The following GARS1 variants were observed in gnomAD, a reference collection of about 807,000 sequenced individuals.
GARS1 encodes glycine--tRNA ligase.
Under a neutral mutation model 86.4 loss-of-function variants are expected in GARS1, and 46 were observed. The observed-to-expected ratio is 0.53, with a 90% CI of 0.42 to 0.68. The LOEUF is 0.68. Ranked by LOEUF, GARS1 falls within the 30% of genes least tolerant of loss-of-function variation. The pLI, the probability that GARS1 is intolerant of heterozygous loss-of-function variation, is 0.00. For missense variants in GARS1, 797 were observed against 915.6 expected, an observed-to-expected ratio of 0.87 and a Z score of 1.67; for synonymous variants, 342 against 329.8, an observed-to-expected ratio of 1.04 and a Z score of -0.40.
At chr7:30,623,117 A>C (rs1403903225) in intron 12 of GARS1, among the ~76,000 whole-genome samples, 2 of 151,422 alleles carry the variant, frequency 1.3e-5, no homozygotes, top group Admixed American at 6.6e-5. Context: ...AAAAAAACAA[A>C]AAAAAAAAAT....
intron 10 of GARS1, among the ~76,000 whole-genome samples, chr7:30,619,135 G>A (rs1782947654): frequency 2.0e-5 from 3 of 152,180 alleles, no homozygotes; most frequent in African/African-American, 4.8e-5. Flanking sequence ...CCAGTGAGTG[G>A]TGAGGCTGGG....
intron 8 of GARS1, among the ~76,000 whole-genome samples, chr7:30,613,941 G>T (rs1782832777): frequency 6.6e-6 from 1 of 152,142 alleles, no homozygotes; most frequent in Admixed American, 6.5e-5. Context: ...TTGTTCATAT[G>T]AAGATTTTTC....
intron 12 of GARS1, among the ~76,000 whole-genome samples, chr7:30,623,041 C>G (rs1255752839): frequency 6.8e-6 from 1 of 148,146 alleles, no homozygotes; most frequent in African/African-American, 2.5e-5. Flanking sequence ...GCGGAGCTTG[C>G]AGTGAGCCAC....
chr7:30,615,875 C>A, intron 8 of GARS1, 21 bp from the exon 9 acceptor site: 1 of 1,613,776 alleles, frequency 6.2e-7, no homozygotes, highest in African/African-American at 1.3e-5. Flanking sequence ...GCAGGTTTAT[C>A]GCTTACGTTT....
chr7:30,623,593 T>TG (rs1294589454), intron 12 of GARS1, among the ~76,000 whole-genome samples: 5 of 152,148 alleles, frequency 3.3e-5, no homozygotes, highest in African/African-American at 1.2e-4. Flanking sequence ...AGATGTCCAG[T>TG]GGGACAATAT....
rs1189675611 is a variant in GARS1 at position 30,595,022 on chromosome 7, G to C, written c.101G>C (p.Arg34Pro). The change falls in exon 1 of 17, where the codon CGG becomes CCG. Residue 34 changes from arginine (R) to proline (P), a missense_variant. Transcript: ENST00000389266. Reference protein sequence around the residue: ...LLARPSLLLRRSLSAASCPPI... With the variant: ...LLARPSLLLRPSLSAASCPPI... ...GCCCGACCCTCGCTCCTGCTCCGCCGGTCCCTCAGCGCGGCCTCCTGCCCC... is the reference window on the plus strand; with the variant it reads ...GCCCGACCCTCGCTCCTGCTCCGCCCGTCCCTCAGCGCGGCCTCCTGCCCC... The C allele has an allele frequency of 6.3e-7, 1 of 1,578,840 alleles. No individual in the cohort carries two copies. Among genetic ancestry groups the C allele is most frequent in the South Asian group, 1.1e-5 (1 of 87,644 alleles).
At chr7:30,599,459 A>G (rs1454807718) in intron 2 of GARS1, among the ~76,000 whole-genome samples, 9 of 151,976 alleles carry the variant, frequency 5.9e-5, no homozygotes, top group Non-Finnish European at 1.2e-4. Flanking sequence ...CTGGAGTGCA[A>G]TGGTGCGATC....
chr7:30,614,629 A>C (rs1490068067), intron 8 of GARS1, among the ~76,000 whole-genome samples: 2 of 152,196 alleles, frequency 1.3e-5, no homozygotes, highest in African/African-American at 2.4e-5. Flanking sequence ...TAATCCCAGC[A>C]CTTTGGGAGG....
At chr7:30,615,465 G>A (rs554844492) in intron 8 of GARS1, among the ~76,000 whole-genome samples, 44 of 152,176 alleles carry the variant, frequency 2.9e-4, no homozygotes, top group African/African-American at 9.4e-4. Flanking sequence ...TGATTTTTGC[G>A]TATGTTTTCC....
chr7:30,607,038 C>T (rs1435281719), intron 6 of GARS1, among the ~76,000 whole-genome samples: 1 of 152,170 alleles, frequency 6.6e-6, no homozygotes, highest in Non-Finnish European at 1.5e-5. Context: ...ACCAACACCA[C>T]CATCAGCAAT....
chr7:30,607,697 A>T (rs993846245), intron 6 of GARS1, among the ~76,000 whole-genome samples: 2 of 152,196 alleles, frequency 1.3e-5, no homozygotes, highest in African/African-American at 4.8e-5. Context: ...AAAGTATAAT[A>T]AAAAAGTTAA....
chr7:30,631,294 G>A (rs1381268020), intron 14 of GARS1, 154 bp from the exon 15 acceptor site: 1 of 585,982 alleles, frequency 1.7e-6, no homozygotes, highest in Non-Finnish European at 3.1e-6. Flanking sequence ...CTTCTCTTTT[G>A]CCATACTGCT....
intron 6 of GARS1, among the ~76,000 whole-genome samples, chr7:30,608,286 A>AT (rs1791522181): frequency 6.6e-6 from 1 of 152,210 alleles, no homozygotes; most frequent in Non-Finnish European, 1.5e-5. Flanking sequence ...TTCTATCTGT[A>AT]TTGGCAGAAT....
At chr7:30,615,847 T>G (rs780089918) in intron 8 of GARS1, 49 bp from the exon 9 acceptor site, 4 of 1,603,000 alleles carry the variant, frequency 2.5e-6, no homozygotes, top group South Asian at 1.1e-5. Flanking sequence ...TGTTTGTTTG[T>G]TTTTTGTAGT....
At chr7:30,598,328 C>T (rs924938490) in intron 1 of GARS1, among the ~76,000 whole-genome samples, 2 of 149,412 alleles carry the variant, frequency 1.3e-5, no homozygotes, top group African/African-American at 2.5e-5. Context: ...GGGCAGAGAC[C>T]TTGATTCATA....
chr7:30,596,005 T>C, intron 1 of GARS1: 2 of 413,448 alleles, frequency 4.8e-6, no homozygotes, highest in Admixed American at 6.2e-5. Context: ...GGCACTGCCA[T>C]AGAGTTTAGA....
chr7:30,617,641 T>A (rs1159507194), intron 10 of GARS1, among the ~76,000 whole-genome samples: 1 of 152,174 alleles, frequency 6.6e-6, no homozygotes, highest in Admixed American at 6.5e-5. Context: ...AGAGGTTGAA[T>A]AAAGAAAGTC....
intron 6 of GARS1, among the ~76,000 whole-genome samples, chr7:30,606,553 A>C (rs571312580): frequency 3.1e-4 from 47 of 152,228 alleles, no homozygotes; most frequent in African/African-American, 9.9e-4. Context: ...CAAATATTTG[A>C]TATTCAGTCA....
At chr7:30,619,650 A>T (rs1782961344) in intron 10 of GARS1, among the ~76,000 whole-genome samples, 1 of 151,824 alleles carries the variant, frequency 6.6e-6, no homozygotes, top group Non-Finnish European at 1.5e-5. Context: ...TTGTTCTTTA[A>T]TTCCTTTTGT....
Sources: allele counts gnomAD v4.1 joint callset (sites outside exome capture counted in the v4.1 genomes callset), GRCh38; gene constraint gnomAD v4.1.1; transcripts MANE v1.5; gene names NCBI Gene and HGNC (gene_info 2026-07-23, HGNC 2026-07-21).